REPS2: variants seen among roughly 807,000 people sequenced by gnomAD.
REPS2 encodes the protein ralBP1-associated Eps domain-containing protein 2.
REPS2 carries 23 observed loss-of-function variants against 53.6 expected under a neutral mutation model. The observed-to-expected ratio is 0.43, with a 90% CI of 0.31 to 0.61. The LOEUF (loss-of-function observed/expected upper bound fraction) is 0.61. REPS2 is among the 20% of genes least tolerant of loss of function. The pLI is 0.11. For synonymous variants in REPS2, 238 were observed against 218.6 expected, an observed-to-expected ratio of 1.09 and a Z score of -0.78; for missense variants, 446 against 534.9, an observed-to-expected ratio of 0.83 and a Z score of 1.64.
At chrX:17,010,051 T>A (rs773404532) in intron 2 of REPS2, among the ~76,000 whole-genome samples, 8 of 111,301 alleles carry the variant, frequency 7.2e-5, no homozygotes, top group Non-Finnish European at 1.3e-4. Context: ...GGTTGGCTCC[T>A]TCCCAACCTT....
intron 1 of REPS2, among the ~76,000 whole-genome samples, chrX:16,993,311 A>G (rs867728505): frequency 9.8e-5 from 11 of 112,207 alleles, no homozygotes; most frequent in South Asian, 3.7e-4. Flanking sequence ...AAGGTATGGT[A>G]TATTGCAAAA....
chrX:16,969,861 T>C (rs2060862109), intron 1 of REPS2, among the ~76,000 whole-genome samples: 1 of 110,903 alleles, frequency 9.0e-6, no homozygotes, highest in South Asian at 3.9e-4. Flanking sequence ...GGGAGAGTAA[T>C]GAATTTTATC....
At chrX:17,131,465 A>G (rs749387138) in intron 14 of REPS2, among the ~76,000 whole-genome samples, 153 of 111,784 alleles carry the variant, frequency 1.4e-3, no homozygotes, top group Middle Eastern at 4.6e-3. Context: ...AGGCCACGTT[A>G]GGGATGAAGT....
chrX:17,126,250 C>A (rs760654961), intron 14 of REPS2, among the ~76,000 whole-genome samples: 1 of 111,286 alleles, frequency 9.0e-6, no homozygotes, highest in Non-Finnish European at 1.9e-5. Context: ...CTCATTCTCA[C>A]CCTGTCTCCA....
rs916698999 is a variant in REPS2 at position 17,074,223 on chromosome X, C to T, written c.1379+64C>T. ...CCGTGCCCCTGCCTAGAAATAAGAA[C>T]CACAAACCAAAACCCAACCCATGAT... On this transcript the variant is annotated intron_variant, in intron 12 of 17. Coordinates refer to ENST00000357277, the MANE Select transcript of REPS2 (RefSeq NM_004726.3). 1.6e-5 allele frequency: 16 copies of T among 1,031,506 alleles called. No homozygotes were observed. The African/African-American group carries it at 3.0e-4, about 19-fold the overall frequency. 85.0% of individuals were successfully genotyped at this position (1,031,506 alleles called of 1,213,427 possible).
intron 5 of REPS2, among the ~76,000 whole-genome samples, chrX:17,030,543 C>T (rs2147869487): frequency 8.9e-6 from 1 of 111,772 alleles, no homozygotes; most frequent in African/African-American, 3.2e-5. Flanking sequence ...TAAAGAAGGT[C>T]CTGGGGTTCA....
At chrX:17,158,402 GATATCC>G in the REPS2 span, among the ~76,000 whole-genome samples, 1 of 111,272 alleles carries the variant, frequency 9.0e-6, no homozygotes, top group Admixed American at 9.6e-5. Context: ...GGAGCAATTG[GATATCC>G]ACATGGAAAA....
At chrX:16,995,750 T>C (rs752814398) in intron 1 of REPS2, among the ~76,000 whole-genome samples, 25 of 111,766 alleles carry the variant, frequency 2.2e-4, no homozygotes, top group African/African-American at 8.1e-4. Context: ...AACCTTACTC[T>C]GAGGAGGCTG....
chrX:17,128,622 G>T (rs73454479), intron 14 of REPS2, among the ~76,000 whole-genome samples: 1,532 of 111,708 alleles, frequency 0.014, 27 homozygotes, highest in African/African-American at 0.048. Context: ...CCAGAGGTAC[G>T]AAAAAAATAT....
Position 17,047,491 on chromosome X carries a change from G to A in REPS2, c.907+9G>A, listed in dbSNP as rs1251423576. ...AAGCTCTTTCATTTCAGGTAAGAATGTGGGCTCCCTAGGCATCACTCTCAC... is the reference window on the plus strand; with the variant it reads ...AAGCTCTTTCATTTCAGGTAAGAATATGGGCTCCCTAGGCATCACTCTCAC... On this transcript the variant is annotated intron_variant, in intron 6 of 17. Coordinates refer to ENST00000357277, the MANE Select transcript of REPS2 (RefSeq NM_004726.3). 2 of 1,208,384 alleles carry A rather than the reference G, an allele frequency of 1.7e-6. No homozygotes were observed. Among genetic ancestry groups the A allele is most frequent in the South Asian group, 1.8e-5 (1 of 56,168 alleles).
intron 1 of REPS2, among the ~76,000 whole-genome samples, chrX:16,991,776 GAC>G (rs1205662804): frequency 1.8e-5 from 2 of 110,858 alleles, no homozygotes; most frequent in Non-Finnish European, 3.8e-5. Context: ...GTCAGGTGAA[GAC>G]ACAGACACAC....
intron 1 of REPS2, among the ~76,000 whole-genome samples, chrX:16,988,224 A>G (rs1195366153): frequency 9.0e-6 from 1 of 111,672 alleles, no homozygotes; most frequent in East Asian, 2.8e-4. Flanking sequence ...GAAGTGAGCC[A>G]TGGTGACTGT....
intron 6 of REPS2, among the ~76,000 whole-genome samples, chrX:17,049,724 C>T (rs764605206): frequency 9.0e-6 from 1 of 110,982 alleles, no homozygotes; most frequent in South Asian, 3.7e-4. Flanking sequence ...AAGCATTTAT[C>T]TATTAAGTTG....
chrX:16,998,529 T>C (rs952640486), intron 1 of REPS2, among the ~76,000 whole-genome samples: 1 of 112,298 alleles, frequency 8.9e-6, no homozygotes, highest in Non-Finnish European at 1.9e-5. Context: ...ATGATTTTTC[T>C]GTATTGGCAC....
At chrX:16,982,192 A>T (rs1365301479) in intron 1 of REPS2, among the ~76,000 whole-genome samples, 1 of 112,151 alleles carries the variant, frequency 8.9e-6, no homozygotes, top group Non-Finnish European at 1.9e-5. Context: ...TTCTGGATAT[A>T]CCAGATTTTG....
intron 14 of REPS2, among the ~76,000 whole-genome samples, chrX:17,129,154 A>G (rs756480387): frequency 2.1e-4 from 24 of 111,995 alleles, no homozygotes; most frequent in Non-Finnish European, 4.1e-4. Context: ...GAGGAGGAAG[A>G]GAACCACTGA....
intron 14 of REPS2, among the ~76,000 whole-genome samples, chrX:17,118,272 T>C (rs953536140): frequency 9.9e-5 from 11 of 111,558 alleles, no homozygotes; most frequent in African/African-American, 3.3e-4. Context: ...TCCTGACTTT[T>C]TAATGATTCA....
At chrX:17,001,572 G>T (rs1235677699) in intron 1 of REPS2, among the ~76,000 whole-genome samples, 2 of 112,487 alleles carry the variant, frequency 1.8e-5, no homozygotes, top group Non-Finnish European at 3.8e-5. Flanking sequence ...AGATAAAAAT[G>T]CAGTGCATGA....
chrX:17,173,364 G>A, the REPS2 span, among the ~76,000 whole-genome samples: 1 of 112,278 alleles, frequency 8.9e-6, no homozygotes, highest in Admixed American at 9.4e-5. Flanking sequence ...CCCGGCTGTT[G>A]AATGGAGGCT....
Sources: gnomAD v4.1 joint callset for allele counts (sites outside exome capture counted in the v4.1 genomes callset) on GRCh38, gnomAD v4.1.1 for gene constraint, MANE v1.5 for transcripts, NCBI Gene and HGNC (gene_info 2026-07-23, HGNC 2026-07-21) for gene names.